PARG: variants seen among roughly 807,000 people sequenced by gnomAD.
PARG encodes the protein poly(ADP-ribose) glycohydrolase.
In PARG, 35 loss-of-function variants were observed where a neutral mutation model predicts 113.0. The ratio of observed to expected loss-of-function variants is 0.31; its 90% CI spans 0.24 to 0.41. The LOEUF (loss-of-function observed/expected upper bound fraction) is 0.41. Ranked by LOEUF, PARG falls within the 10% of genes least tolerant of loss-of-function variation. PARG has a pLI of 1.00. For synonymous variants in PARG, 330 were observed against 409.9 expected (o/e 0.81, Z 2.36); for missense variants, 797 against 1,169.4 (o/e 0.68, Z 4.64).
intron 8 of PARG, among the ~76,000 whole-genome samples, chr10:49,883,394 CA>C (rs1233660440): frequency 6.7e-6 from 1 of 149,948 alleles, no homozygotes; most frequent in Admixed American, 6.7e-5. Context: ...AAATAAAAGA[CA>C]AAGGCAAATT....
intron 16 of PARG, among the ~76,000 whole-genome samples, chr10:49,831,282 A>C (rs1844647815): frequency 6.6e-6 from 1 of 152,178 alleles, no homozygotes; most frequent in African/African-American, 2.4e-5. Flanking sequence ...CATTTTACTG[A>C]TGAGGGGAAA....
chr10:49,864,176 A>G (rs1286640090), intron 11 of PARG, among the ~76,000 whole-genome samples: 3 of 152,064 alleles, frequency 2.0e-5, no homozygotes, highest in African/African-American at 4.8e-5. Flanking sequence ...GAGCTGATCA[A>G]GAGTTTTAGC....
At chr10:49,846,410 T>C (rs1360660414) in intron 13 of PARG, among the ~76,000 whole-genome samples, 8 of 150,982 alleles carry the variant, frequency 5.3e-5, no homozygotes, top group African/African-American at 1.9e-4. Flanking sequence ...GGGTGTGGGA[T>C]ATAAAAGCAT....
intron 6 of PARG, among the ~76,000 whole-genome samples, chr10:49,917,865 A>AT (rs1159373079): frequency 2.6e-4 from 39 of 151,036 alleles, no homozygotes; most frequent in East Asian, 1.2e-3. Context: ...GATTTTAAGG[A>AT]TTTTTTTTTC....
chr10:49,866,271 AAGAG>A (rs1846509077), intron 10 of PARG, among the ~76,000 whole-genome samples: 1 of 152,014 alleles, frequency 6.6e-6, no homozygotes. Flanking sequence ...CTCTTAAGGA[AAGAG>A]AGAGATGTCA....
intron 13 of PARG, among the ~76,000 whole-genome samples, chr10:49,852,975 T>G (rs1310635851): frequency 6.6e-6 from 1 of 151,872 alleles, no homozygotes; most frequent in Non-Finnish European, 1.5e-5. Flanking sequence ...TCTTAAAAAC[T>G]GATGGGATAT....
intron 15 of PARG, among the ~76,000 whole-genome samples, chr10:49,837,486 A>G (rs1554831346): frequency 6.6e-6 from 1 of 152,112 alleles, no homozygotes; most frequent in East Asian, 1.9e-4. Flanking sequence ...TTTGTAAAAC[A>G]TGAGATATAA....
At chr10:49,878,045 G>T (rs3860185) in intron 9 of PARG, among the ~76,000 whole-genome samples, 28,762 of 151,936 alleles carry the variant, frequency 0.19, 3,210 homozygotes, top group Non-Finnish European at 0.27. Context: ...CCAGTAATAA[G>T]AAGTATCATG....
intron 15 of PARG, among the ~76,000 whole-genome samples, chr10:49,840,083 A>G (rs1554831962): frequency 6.6e-6 from 1 of 152,196 alleles, no homozygotes; most frequent in Non-Finnish European, 1.5e-5. Context: ...AATGTATCCA[A>G]TTACTAGTAA....
At chr10:49,828,052 C>T (rs376022976) in intron 16 of PARG, among the ~76,000 whole-genome samples, 1 of 114,770 alleles carries the variant, frequency 8.7e-6, no homozygotes, top group African/African-American at 3.2e-5. Context: ...AAGCCCCCCA[C>T]GCAAAAATCT....
chr10:49,848,775 A>C (rs2132480659), intron 13 of PARG, among the ~76,000 whole-genome samples: 1 of 152,304 alleles, frequency 6.6e-6, no homozygotes, highest in East Asian at 1.9e-4. Flanking sequence ...CAGAAATTTT[A>C]AAAACTTACA....
At chr10:49,838,379 C>T (rs1459611290) in intron 15 of PARG, among the ~76,000 whole-genome samples, 2 of 139,840 alleles carry the variant, frequency 1.4e-5, no homozygotes, top group Non-Finnish European at 3.0e-5. Flanking sequence ...TGCAATGAGC[C>T]GAGATCATGC....
At chr10:49,838,488 G>C (rs1554831595) in intron 15 of PARG, among the ~76,000 whole-genome samples, 1 of 146,836 alleles carries the variant, frequency 6.8e-6, no homozygotes, top group African/African-American at 2.5e-5. Flanking sequence ...CTGAATTTGA[G>C]CCCTGGTTTG....
chr10:49,888,363 A>C (rs1554840827), intron 7 of PARG, among the ~76,000 whole-genome samples: 1 of 151,590 alleles, frequency 6.6e-6, no homozygotes, highest in Non-Finnish European at 1.5e-5. Flanking sequence ...TTTTTTTTAT[A>C]ATTTCTTTTC....
At chr10:49,923,295 T>A (rs879967156) in intron 4 of PARG, among the ~76,000 whole-genome samples, 1 of 152,286 alleles carries the variant, frequency 6.6e-6, no homozygotes, top group South Asian at 2.1e-4. Flanking sequence ...TTCAAAGTAG[T>A]CAGCTATTTA....
Position 49,894,811 on chromosome 10 carries a change from AAAC to A in PARG, c.1738-9519_1738-9517del, listed in dbSNP as rs1286013015. Among the ~76,000 whole-genome samples the A allele has an allele frequency of 3.9e-5, 6 of 152,304 alleles. 1 individual carries two copies. The highest frequency in any genetic ancestry group is 1.4e-4 in the African/African-American group (6 of 41,562). On this transcript the variant is annotated intron_variant, in intron 7 of 17. Coordinates refer to ENST00000616448, the MANE Select transcript of PARG (RefSeq NM_003631.5). ...AAAGAACCACAAACCAGGCAGCTTAAAACAACAAAAATGTATTATCTCACAGTT... is the reference window on the plus strand; with the variant it reads ...AAAGAACCACAAACCAGGCAGCTTAAAACAAAAATGTATTATCTCACAGTT...
chr10:49,878,088 AG>A (rs1285305095), intron 9 of PARG, among the ~76,000 whole-genome samples: 1 of 152,120 alleles, frequency 6.6e-6, no homozygotes, highest in African/African-American at 2.4e-5. Flanking sequence ...AGAAGGACAC[AG>A]GATCATTTCT....
At chr10:49,885,029 C>T (rs559604013) in intron 8 of PARG, among the ~76,000 whole-genome samples, 174 bp downstream of exon 8, 4 of 151,194 alleles carry the variant, frequency 2.6e-5, no homozygotes, top group African/African-American at 9.7e-5. Context: ...AATTACTATA[C>T]TCTTTGGCAA....
chr10:49,891,021 A>T (rs1487556016), intron 7 of PARG, among the ~76,000 whole-genome samples: 2 of 152,266 alleles, frequency 1.3e-5, no homozygotes, highest in Non-Finnish European at 2.9e-5. Flanking sequence ...AACAGCTTTA[A>T]AAAAGTAATC....
Sources: gnomAD v4.1 joint callset for allele counts (sites outside exome capture counted in the v4.1 genomes callset) on GRCh38, gnomAD v4.1.1 for gene constraint, MANE v1.5 for transcripts, NCBI Gene and HGNC (gene_info 2026-07-23, HGNC 2026-07-21) for gene names.